The following ARL15 variants were observed in gnomAD, a reference collection of about 807,000 sequenced individuals.
The protein encoded by ARL15 is ARF like GTPase 15.
A neutral mutation model predicts 25.2 loss-of-function variants in ARL15; 19 were observed. The observed-to-expected ratio is 0.75, with a 90% CI of 0.53 to 1.10. The LOEUF (loss-of-function observed/expected upper bound fraction) is 1.10, where lower values mean the gene tolerates loss of function less well. ARL15 is among the 50% of genes least tolerant of loss of function. ARL15 has a pLI of 0.00. For missense variants in ARL15, 220 were observed against 246.0 expected, an observed-to-expected ratio of 0.89 and a Z score of 0.71; for synonymous variants, 94 against 86.8, an observed-to-expected ratio of 1.08 and a Z score of -0.46.
intron 4 of ARL15, among the ~76,000 whole-genome samples, chr5:54,110,888 T>G (rs1752719862): frequency 6.6e-6 from 1 of 152,056 alleles, no homozygotes; most frequent in Non-Finnish European, 1.5e-5. Context: ...ACTGATTTAA[T>G]TCTTAAAACA....
chr5:54,302,146 CACAGGCA>C (rs1758630783), intron 1 of ARL15, among the ~76,000 whole-genome samples: 1 of 152,216 alleles, frequency 6.6e-6, no homozygotes, highest in Non-Finnish European at 1.5e-5. Context: ...GAGGGCCTCT[CACAGGCA>C]ACCAGGTGAC....
intron 4 of ARL15, among the ~76,000 whole-genome samples, chr5:54,009,858 T>TC (rs1264390378): frequency 6.6e-6 from 1 of 152,052 alleles, no homozygotes; most frequent in Non-Finnish European, 1.5e-5. Flanking sequence ...TTCCAACAGT[T>TC]CCAGTTATCA....
intron 4 of ARL15, among the ~76,000 whole-genome samples, chr5:53,974,099 AT>A (rs1747848040): frequency 6.6e-6 from 1 of 152,180 alleles, no homozygotes; most frequent in South Asian, 2.1e-4. Flanking sequence ...ACAGAAACAA[AT>A]CCCATGTTAA....
At position 53,885,123 on chromosome 5, in the gene ARL15, C is replaced by G. The variant is rs1744477036; in HGVS notation, c.*1438G>C. 1 of 152,580 alleles carries G rather than the reference C, an allele frequency of 6.6e-6. No individual in the cohort carries two copies. Among genetic ancestry groups the G allele is most frequent in the Non-Finnish European group, 1.5e-5 (1 of 68,030 alleles). The allele number at this position is 152,580 out of a possible 1,614,324, so 9.5% of individuals were successfully genotyped here. A position where few individuals can be genotyped will look rare whatever the true frequency, so the allele number is the denominator to read the frequency against. On this transcript the variant is annotated 3_prime_UTR_variant, in exon 5 of 5. Coordinates refer to ENST00000504924, the MANE Select transcript of ARL15 (RefSeq NM_019087.3). ...GAGAATTACCAGGTATTACATCATT[C>G]TGTAATATAGTGTGAGTCTGTGGTA...
At chr5:54,233,700 C>A (rs1287100111) in intron 1 of ARL15, among the ~76,000 whole-genome samples, 1 of 152,184 alleles carries the variant, frequency 6.6e-6, no homozygotes, top group African/African-American at 2.4e-5. Flanking sequence ...TAAGGAACTA[C>A]CATTTGATTG....
At chr5:54,270,760 T>C (rs923358987) in intron 1 of ARL15, among the ~76,000 whole-genome samples, 4 of 152,166 alleles carry the variant, frequency 2.6e-5, no homozygotes, top group Non-Finnish European at 4.4e-5. Flanking sequence ...CCCACTGTAA[T>C]AATTTGAAAT....
chr5:53,985,492 C>G (rs904585556), intron 4 of ARL15, among the ~76,000 whole-genome samples: 1 of 152,164 alleles, frequency 6.6e-6, no homozygotes, highest in Non-Finnish European at 1.5e-5. Context: ...ACCCTGGCAA[C>G]CACCATTATC....
At chr5:53,923,418 C>T (rs1229518458) in intron 4 of ARL15, among the ~76,000 whole-genome samples, 1 of 152,130 alleles carries the variant, frequency 6.6e-6, no homozygotes, top group Non-Finnish European at 1.5e-5. Flanking sequence ...CGGTGAAGGG[C>T]TACTTGGTAA....
At chr5:53,933,346 C>A (rs538857152) in intron 4 of ARL15, among the ~76,000 whole-genome samples, 6 of 152,106 alleles carry the variant, frequency 3.9e-5, no homozygotes, top group African/African-American at 9.6e-5. Context: ...TTTCTATTAT[C>A]AGTAAAGATG....
At chr5:54,063,710 G>T (rs116473387) in intron 4 of ARL15, among the ~76,000 whole-genome samples, 2 of 152,210 alleles carry the variant, frequency 1.3e-5, no homozygotes, top group African/African-American at 4.8e-5. Context: ...CACCCAAAGG[G>T]TTTGCCTGCT....
intron 1 of ARL15, among the ~76,000 whole-genome samples, chr5:54,218,897 A>G (rs902182258): frequency 1.3e-5 from 2 of 152,108 alleles, no homozygotes; most frequent in African/African-American, 4.8e-5. Context: ...AATTTTGTAC[A>G]TGGATGCTGC....
intron 1 of ARL15, among the ~76,000 whole-genome samples, chr5:54,255,967 T>G (rs1757351099): frequency 6.6e-6 from 1 of 151,218 alleles, no homozygotes; most frequent in Admixed American, 6.6e-5. Context: ...TCAACAAGTC[T>G]GAAAGTTCAC....
intron 4 of ARL15, among the ~76,000 whole-genome samples, chr5:53,975,954 CTG>C (rs1467225641): frequency 6.6e-6 from 1 of 152,194 alleles, no homozygotes; most frequent in Non-Finnish European, 1.5e-5. Flanking sequence ...AAGCTACCCG[CTG>C]TCACAGACTC....
chr5:54,144,257 C>T (rs1753848496), intron 3 of ARL15, among the ~76,000 whole-genome samples: 1 of 150,078 alleles, frequency 6.7e-6, no homozygotes, highest in Admixed American at 6.6e-5. Flanking sequence ...ATAATTTTGT[C>T]CTTTCCAGTT....
chr5:54,240,260 AT>A (rs11378048), intron 1 of ARL15, among the ~76,000 whole-genome samples: 2,384 of 142,098 alleles, frequency 0.017, 58 homozygotes, highest in African/African-American at 0.056. Context: ...ATCGCCAATA[AT>A]TTTTTTTTTT....
At chr5:54,129,642 C>T (rs1344380896) in intron 3 of ARL15, among the ~76,000 whole-genome samples, 1 of 152,180 alleles carries the variant, frequency 6.6e-6, no homozygotes, top group Non-Finnish European at 1.5e-5. Context: ...TGATGTCCAT[C>T]AAATAAATGA....
intron 1 of ARL15, among the ~76,000 whole-genome samples, chr5:54,225,532 G>A (rs186977931): frequency 6.6e-6 from 1 of 152,186 alleles, no homozygotes; most frequent in Non-Finnish European, 1.5e-5. Flanking sequence ...GTGACAGTAG[G>A]AAGAAGTGAC....
At chr5:53,934,750 T>C (rs1196039286) in intron 4 of ARL15, among the ~76,000 whole-genome samples, 1 of 152,196 alleles carries the variant, frequency 6.6e-6, no homozygotes, top group African/African-American at 2.4e-5. Context: ...AGAGACTCTT[T>C]TATAATAGCA....
intron 1 of ARL15, among the ~76,000 whole-genome samples, chr5:54,193,447 G>A (rs1318592128): frequency 1.3e-5 from 2 of 152,186 alleles, no homozygotes; most frequent in African/African-American, 4.8e-5. Flanking sequence ...AGGTGAGCAA[G>A]GGAGCATTGT....
Sources: allele counts gnomAD v4.1 joint callset (sites outside exome capture counted in the v4.1 genomes callset), GRCh38; gene constraint gnomAD v4.1.1; transcripts MANE v1.5; gene names NCBI Gene and HGNC (gene_info 2026-07-23, HGNC 2026-07-21).